EIPR1: variants seen among roughly 807,000 people sequenced by gnomAD.
EIPR1 encodes EARP and GARP complex-interacting protein 1.
In EIPR1, 25 loss-of-function variants were observed where a neutral mutation model predicts 48.1. The ratio of observed to expected loss-of-function variants is 0.52; its 90% CI spans 0.38 to 0.73. The LOEUF (loss-of-function observed/expected upper bound fraction) is 0.73, where lower values mean the gene tolerates loss of function less well. Among genes scored for constraint, EIPR1 ranks in the 30% least tolerant of loss-of-function variants. EIPR1 has a pLI of 0.00. For synonymous variants in EIPR1, 204 were observed against 201.9 expected (o/e 1.01, Z -0.09); for missense variants, 415 against 506.2 (o/e 0.82, Z 1.73).
rs958667169 is a variant in EIPR1 at position 3,340,348 on chromosome 2, G to C, written c.127-2199C>G. 2.6e-5 allele frequency among the ~76,000 whole-genome samples: 4 copies of C among 152,222 alleles called. No individual in the cohort carries two copies. In the East Asian group the frequency reaches 7.7e-4, roughly 29 times the overall value. On this transcript the variant is annotated intron_variant, in intron 2 of 8. Transcript: ENST00000382125. ...AGGAGAAGCCAGATATGGCCGGCTT[G>C]CCCGAGGCAGAGCAGGAGCCCAGGG...
chr2:3,277,186 GCGGCCCCACACCTGTCTCCACCCACA>G (rs1218439568), intron 3 of EIPR1, among the ~76,000 whole-genome samples: 70 of 138,094 alleles, frequency 5.1e-4, no homozygotes, highest in African/African-American at 1.5e-3. Flanking sequence ...CTCCACCCAC[GCGGCCCCACACCTGTCTCCACCCACA>G]CGGCCCCGCA....
Position 3,237,270 on chromosome 2 carries a change from A to ACACACACC in EIPR1, c.416+20028_416+20029insGGTGTGTG, listed in dbSNP as rs1553285356. 8.4e-5 allele frequency among the ~76,000 whole-genome samples: 12 copies of ACACACACC among 142,998 alleles called. No homozygotes were observed. In the South Asian group the frequency reaches 1.1e-3, roughly 13 times the overall value. The allele number at this position is 142,998 out of a possible 152,430, so 93.8% of individuals were successfully genotyped here. A position where few individuals can be genotyped will look rare whatever the true frequency, so the allele number is the denominator to read the frequency against. ...CACACACACACACACACACACACACACCATACATATGGCAGTCCTGCCTTA... is the reference window on the plus strand; with the variant it reads ...CACACACACACACACACACACACACACACACACCCCATACATATGGCAGTCCTGCCTTA... On this transcript the variant is annotated intron_variant, in intron 4 of 8. Transcript: ENST00000382125.
chr2:3,285,362 G>A (rs897291030), intron 3 of EIPR1, among the ~76,000 whole-genome samples: 27 of 144,036 alleles, frequency 1.9e-4, no homozygotes, highest in Admixed American at 1.3e-3. Flanking sequence ...CAGCTGTGGT[G>A]GACGGGAGCA....
At chr2:3,326,124 G>T (rs1007749923) in intron 3 of EIPR1, among the ~76,000 whole-genome samples, 2 of 152,228 alleles carry the variant, frequency 1.3e-5, no homozygotes, top group Non-Finnish European at 2.9e-5. Flanking sequence ...GGCATAAGGT[G>T]TGCTCTAGAT....
At chr2:3,269,805 A>G (rs1667649310) in intron 3 of EIPR1, among the ~76,000 whole-genome samples, 1 of 152,252 alleles carries the variant, frequency 6.6e-6, no homozygotes, top group South Asian at 2.1e-4. Context: ...GTCCTGAGGC[A>G]CAGGCAGATG....
chr2:3,232,707 T>C (rs2103169688), intron 4 of EIPR1, among the ~76,000 whole-genome samples: 1 of 152,286 alleles, frequency 6.6e-6, no homozygotes, highest in African/African-American at 2.4e-5. Context: ...AGAGAGCCGG[T>C]TCCCCCATGT....
At chr2:3,365,307 A>C (rs1472742865) in intron 1 of EIPR1, among the ~76,000 whole-genome samples, 1 of 151,976 alleles carries the variant, frequency 6.6e-6, no homozygotes, top group East Asian at 1.9e-4. Flanking sequence ...TATAGATTAG[A>C]TAGATAGAGA....
At chr2:3,305,411 C>T (rs1373678432) in intron 3 of EIPR1, among the ~76,000 whole-genome samples, 1 of 150,700 alleles carries the variant, frequency 6.6e-6, no homozygotes, top group South Asian at 2.1e-4. Flanking sequence ...ACCCTCCAAT[C>T]CCATCTAGTT....
intron 4 of EIPR1, among the ~76,000 whole-genome samples, chr2:3,230,151 AT>A (rs55658514): frequency 6.6e-6 from 1 of 151,056 alleles, no homozygotes; most frequent in Non-Finnish European, 1.5e-5. Flanking sequence ...TGAAAATTTT[AT>A]TTTTTTTTAT....
rs904461657 is a variant in EIPR1, at chr2:3,313,904, C to G, written c.259+24113G>C. On this transcript the variant is annotated intron_variant, in intron 3 of 8. Transcript: ENST00000382125. ...CATTATGTGCATCTGACCCTCACCC[C>G]CCGGTCTTCATTAGCAGCGGGTCAC... Among the ~76,000 whole-genome samples, 3 of 152,146 alleles carry G rather than the reference C, an allele frequency of 2.0e-5. No individual in the cohort carries two copies. In the East Asian group the frequency reaches 5.8e-4, roughly 29 times the overall value.
intron 7 of EIPR1, 122 bp downstream of exon 7, chr2:3,193,877 G>T (rs1020589294): frequency 9.6e-7 from 1 of 1,040,058 alleles, no homozygotes; most frequent in African/African-American, 1.6e-5. Flanking sequence ...ATAAAACTGG[G>T]TTGATTGAAT....
At chr2:3,339,993 C>T (rs1670186188) in intron 2 of EIPR1, among the ~76,000 whole-genome samples, 1 of 152,230 alleles carries the variant, frequency 6.6e-6, no homozygotes, top group African/African-American at 2.4e-5. Context: ...CCTCTCCTAG[C>T]TCCTGCTTCG....
chr2:3,261,076 G>A (rs1667320282), intron 3 of EIPR1, among the ~76,000 whole-genome samples: 1 of 152,186 alleles, frequency 6.6e-6, no homozygotes, highest in Non-Finnish European at 1.5e-5. Flanking sequence ...GACTTGGGCA[G>A]TTAAACCCAG....
Position 3,196,615 on chromosome 2 carries a change from T to C in EIPR1, c.653+266A>G, listed in dbSNP as rs114858665. 3.1e-3 allele frequency among the ~76,000 whole-genome samples: 473 copies of C among 152,286 alleles called. 2 individuals carry two copies. Among genetic ancestry groups the C allele is most frequent in the South Asian group, 5.2e-3 (25 of 4,824 alleles). On this transcript the variant is annotated intron_variant, in intron 6 of 8. Transcript: ENST00000382125. ...GTTACAAAAGCCCCAATTCCTAGTT[T>C]TCATAATAAACTCCTGCTAATGCAG...
intron 4 of EIPR1, among the ~76,000 whole-genome samples, chr2:3,251,565 C>G (rs1234246976): frequency 6.6e-6 from 1 of 152,142 alleles, no homozygotes; most frequent in South Asian, 2.1e-4. Context: ...AAATCTGAAA[C>G]GAGAGCCCGC....
chr2:3,301,482 C>T (rs1668760658), intron 3 of EIPR1: 1 of 152,176 alleles, frequency 6.6e-6, no homozygotes, highest in African/African-American at 2.4e-5. Flanking sequence ...GCCATCTGAA[C>T]ACTGAGGAGT....
At chr2:3,200,586 A>T (rs982414943) in intron 5 of EIPR1, among the ~76,000 whole-genome samples, 10 of 146,994 alleles carry the variant, frequency 6.8e-5, no homozygotes, top group Non-Finnish European at 1.5e-4. Flanking sequence ...ACAGAGGAGG[A>T]GGTGGGAGCA....
intron 3 of EIPR1, among the ~76,000 whole-genome samples, chr2:3,305,127 G>A (rs1190602637): frequency 1.1e-4 from 9 of 84,890 alleles, no homozygotes; most frequent in Admixed American, 1.3e-4. Context: ...GTCCAGTTCA[G>A]CCCTCCAGTC....
intron 3 of EIPR1, among the ~76,000 whole-genome samples, chr2:3,297,831 C>T (rs572368521): frequency 3.0e-4 from 45 of 152,146 alleles, no homozygotes; most frequent in Non-Finnish European, 3.8e-4. Context: ...TTTTTTTGTT[C>T]GTTTGTTTGA....
Sources: gnomAD v4.1 joint callset for allele counts (sites outside exome capture counted in the v4.1 genomes callset) on GRCh38, gnomAD v4.1.1 for gene constraint, MANE v1.5 for transcripts, NCBI Gene and HGNC (gene_info 2026-07-23, HGNC 2026-07-21) for gene names.